The following SUCLG1 variants were observed in gnomAD, a reference collection of about 807,000 sequenced individuals.
The protein encoded by SUCLG1 is succinate--CoA ligase [ADP/GDP-forming] subunit alpha, mitochondrial.
In SUCLG1, 26 loss-of-function variants were observed where a neutral mutation model predicts 37.3. The ratio of observed to expected loss-of-function variants is 0.70; its 90% CI spans 0.51 to 0.97. The LOEUF (loss-of-function observed/expected upper bound fraction) is 0.97, where lower values mean the gene tolerates loss of function less well. Among genes scored for constraint, SUCLG1 ranks in the 50% least tolerant of loss-of-function variants. SUCLG1 has a pLI of 0.00. For synonymous variants in SUCLG1, 163 were observed against 155.6 expected (o/e 1.05, Z -0.36); for missense variants, 433 against 432.9 (o/e 1.00, Z 0.00).
chr2:84,443,288 T>A lies in SUCLG1; in HGVS notation c.314A>T (p.Lys105Met). 1 of 1,613,894 alleles carries A rather than the reference T, an allele frequency of 6.2e-7. No individual in the cohort carries two copies. The highest frequency in any genetic ancestry group is 8.5e-7 in the Non-Finnish European group (1 of 1,179,730). Reference protein sequence around the residue: ...HLGLPVFNTVKEAKEQTGATA... With the variant: ...HLGLPVFNTVMEAKEQTGATA... The stretch of plus-strand genomic sequence containing the variant: ...AACTCAGGTACCACTAATTACCTCC[T>A]TCACAGTATTAAAGACAGGTAAGCC... The change falls in exon 3 of 9, where the codon AAG (lysine) becomes ATG (methionine). Residue 105 changes from lysine to methionine, a missense_variant. Lys to Met is a moderately conservative substitution (Grantham distance 95, BLOSUM62 -1). Coordinates refer to ENST00000393868, the MANE Select transcript of SUCLG1 (RefSeq NM_003849.4).
At chr2:84,455,573 C>T (rs572428156) in intron 1 of SUCLG1, among the ~76,000 whole-genome samples, 1 of 151,384 alleles carries the variant, frequency 6.6e-6, no homozygotes, top group Non-Finnish European at 1.5e-5. Flanking sequence ...GGGTCTATCA[C>T]GCCTGTAATC....
At chr2:84,447,295 T>C (rs1672864683) in intron 2 of SUCLG1, among the ~76,000 whole-genome samples, 1 of 58,990 alleles carries the variant, frequency 1.7e-5, no homozygotes, top group Non-Finnish European at 4.0e-5. Flanking sequence ...CACTCTCACT[T>C]ACTTTAAAAA....
intron 1 of SUCLG1, among the ~76,000 whole-genome samples, chr2:84,450,286 A>T (rs185394472): frequency 1.3e-5 from 2 of 152,278 alleles, no homozygotes; most frequent in East Asian, 1.9e-4. Flanking sequence ...GTTAAGTCAT[A>T]GGATAAAACT....
chr2:84,427,195 C>A (rs1369100005), intron 7 of SUCLG1, among the ~76,000 whole-genome samples: 1 of 152,196 alleles, frequency 6.6e-6, no homozygotes, highest in Non-Finnish European at 1.5e-5. Context: ...AATCCAGCCT[C>A]ACACAGATAT....
rs539350409 is a variant in SUCLG1, at chr2:84,443,355, C to G, written c.247G>C (p.Val83Leu). 34 of 1,614,158 alleles carry G rather than the reference C, an allele frequency of 2.1e-5. No homozygotes were observed. In the Admixed American group the frequency reaches 3.2e-4, roughly 15 times the overall value. The change falls in exon 3 of 9, where the codon GTT becomes CTT. Residue 83 changes from valine to leucine, a missense_variant. Physicochemically the swap from Val to Leu is conservative, Grantham distance 32. Transcript: ENST00000393868. The part of the protein sequence containing the change: ...QQALEYGTKL[V>L]GGTTPGKGGQ... ...CCTTTCCCTGGAGTGGTTCCTCCAA[C>G]GAGTTTGGTGCCATATTCCAATGCC...
chr2:84,426,277 TAAAAAAA>T (rs57658663), intron 7 of SUCLG1: 1 of 135,946 alleles, frequency 7.4e-6, no homozygotes, highest in African/African-American at 2.7e-5. Context: ...TTCTGAGGTT[TAAAAAAA>T]AAAAAAAAGA....
At chr2:84,439,527 T>G (rs1672736693) in intron 5 of SUCLG1, among the ~76,000 whole-genome samples, 4 of 152,134 alleles carry the variant, frequency 2.6e-5, no homozygotes. Context: ...CCCTGAAATC[T>G]CTCTTGTAAA....
chr2:84,459,176 G>A lies in SUCLG1; in HGVS notation c.94C>T (p.Leu32Phe), dbSNP rs1476080359. Residue 32 changes from leucine (L) to phenylalanine (F), a missense_variant, in exon 1 of 9, where the codon CTC (leucine) becomes TTC (phenylalanine). Leu to Phe is a conservative substitution (Grantham distance 22). Coordinates refer to ENST00000393868, the MANE Select transcript of SUCLG1 (RefSeq NM_003849.4). ...AGACAGTACTGGCTGGACTCACGGA[G>A]GAAGCTGCGCGACAGGAGACGGGCG... ...AAARLLSRSF[L>F]LPQNGIRHCS... 10 of 1,549,482 alleles carry A rather than the reference G, an allele frequency of 6.5e-6. No individual in the cohort carries two copies. Among genetic ancestry groups the A allele is most frequent in the South Asian group, 1.2e-5 (1 of 83,998 alleles).
In SUCLG1 at chr2:84,427,993, A is replaced by T. The variant is rs933193871; in HGVS notation, c.826-2390T>A. ...TACTCTGGTTCGACTGACTGCCCTG[A>T]TTCCCACTAAGATGCAGCATGCAAG... On this transcript the variant is annotated intron_variant, in intron 7 of 8. Coordinates refer to ENST00000393868, the MANE Select transcript of SUCLG1 (RefSeq NM_003849.4). Among the ~76,000 whole-genome samples the T allele has an allele frequency of 3.1e-4, 47 of 152,146 alleles. 1 individual carries two copies. Among genetic ancestry groups the T allele is most frequent in the Non-Finnish European group, 6.0e-4 (41 of 68,028 alleles).
chr2:84,423,791 GAGAGA>G lies in SUCLG1; in HGVS notation c.1015-24_1015-20del. On this transcript the variant is annotated intron_variant, in intron 8 of 8. Transcript: ENST00000393868. ...CAAATTCCTTCAGAAACAGAAGAGA[GAGAGA>G]AGAGAGATGGAATGAATAAAGATAA... The G allele has an allele frequency of 6.2e-7, 1 of 1,602,530 alleles. No individual in the cohort carries two copies. Among genetic ancestry groups the G allele is most frequent in the Non-Finnish European group, 8.5e-7 (1 of 1,174,170 alleles).
chr2:84,445,084 G>A (rs927368083), intron 2 of SUCLG1, among the ~76,000 whole-genome samples: 2 of 152,196 alleles, frequency 1.3e-5, no homozygotes, highest in African/African-American at 4.8e-5. Flanking sequence ...GGGACTAAGA[G>A]ATTAAAGTAA....
chr2:84,438,552 C>T (rs976266484), intron 5 of SUCLG1, among the ~76,000 whole-genome samples: 5 of 152,190 alleles, frequency 3.3e-5, no homozygotes, highest in African/African-American at 1.2e-4. Flanking sequence ...AAAGTCCTTC[C>T]TTTCCCTTAA....
intron 5 of SUCLG1, among the ~76,000 whole-genome samples, chr2:84,439,746 A>G (rs958374385): frequency 6.6e-6 from 1 of 152,216 alleles, no homozygotes; most frequent in Non-Finnish European, 1.5e-5. Context: ...AGTATAGTTT[A>G]GAGAAATTTT....
In SUCLG1 at chr2:84,430,539, G is replaced by A. The variant is rs73942654; in HGVS notation, c.825+969C>T. 7.3e-3 allele frequency among the ~76,000 whole-genome samples: 1,111 copies of A among 152,260 alleles called. 15 individuals carry two copies. Among genetic ancestry groups the A allele is most frequent in the African/African-American group, 0.026 (1,081 of 41,544 alleles). ...AAGAAAATCAAGTATATTCAAAATA[G>A]CCCTTGAAAATTCCTTAAAACACAA... On this transcript the variant is annotated intron_variant, in intron 7 of 8. Coordinates refer to ENST00000393868, the MANE Select transcript of SUCLG1 (RefSeq NM_003849.4).
At chr2:84,452,467 A>C (rs1672955319) in intron 1 of SUCLG1, among the ~76,000 whole-genome samples, 2 of 152,222 alleles carry the variant, frequency 1.3e-5, no homozygotes, top group African/African-American at 4.8e-5. Flanking sequence ...AAAACATTAC[A>C]CAGTCAAGAA....
At chr2:84,432,421 C>T (rs1480363717) in intron 6 of SUCLG1, 1 of 152,210 alleles carries the variant, frequency 6.6e-6, no homozygotes, top group African/African-American at 2.4e-5. Flanking sequence ...AAGTCCTATG[C>T]TTTGGCACAC....
intron 2 of SUCLG1, chr2:84,448,870 CAT>C (rs1294271411): frequency 7.0e-6 from 2 of 286,002 alleles, no homozygotes; most frequent in Non-Finnish European, 1.4e-5. Context: ...CTACAAAACA[CAT>C]ATTATATAAA....
rs1316842012 is a variant in SUCLG1, at chr2:84,441,163, A to G, written c.532-59T>C. ...AAAAAAAGTCACTCACAGGTCATAC[A>G]CACAAATACACTCGCATTCACTCAA... On this transcript the variant is annotated intron_variant, in intron 4 of 8. Coordinates refer to ENST00000393868, the MANE Select transcript of SUCLG1 (RefSeq NM_003849.4). The G allele has an allele frequency of 2.2e-5, 35 of 1,611,740 alleles. No individual in the cohort carries two copies. In the Admixed American group the frequency reaches 5.8e-4, roughly 27 times the overall value.
At chr2:84,427,621 T>C (rs1239466651) in intron 7 of SUCLG1, among the ~76,000 whole-genome samples, 1 of 152,258 alleles carries the variant, frequency 6.6e-6, no homozygotes, top group Non-Finnish European at 1.5e-5. Flanking sequence ...ATTTTAAATA[T>C]TCACTTGAAA....
Sources: allele counts gnomAD v4.1 joint callset (sites outside exome capture counted in the v4.1 genomes callset), GRCh38; gene constraint gnomAD v4.1.1; transcripts MANE v1.5; gene names NCBI Gene and HGNC (gene_info 2026-07-23, HGNC 2026-07-21).